GADL1: variants seen among roughly 807,000 people sequenced by gnomAD.
GADL1 encodes the protein acidic amino acid decarboxylase GADL1.
In GADL1, 71 loss-of-function variants were observed where a neutral mutation model predicts 69.5. The observed-to-expected ratio is 1.02, with a 90% CI of 0.84 to 1.25. The LOEUF (loss-of-function observed/expected upper bound fraction) is 1.25. GADL1 is among the 50% of genes most tolerant of loss of function. The pLI is 0.00. For synonymous variants in GADL1, 254 were observed against 214.4 expected, an observed-to-expected ratio of 1.18 and a Z score of -1.62; for missense variants, 737 against 631.8, an observed-to-expected ratio of 1.17 and a Z score of -1.79.
chr3:30,786,509 AAGATAC>A, intron 12 of GADL1, 103 bp from the exon 13 acceptor site: 1 of 694,934 alleles, frequency 1.4e-6, no homozygotes. Flanking sequence ...GGAGATAAGA[AAGATAC>A]AGATAAAGGT....
intron 11 of GADL1, among the ~76,000 whole-genome samples, chr3:30,829,568 A>C (rs1042968318): frequency 1.1e-4 from 17 of 151,918 alleles, no homozygotes; most frequent in African/African-American, 4.1e-4. Flanking sequence ...TTATCAACTA[A>C]TCAACTATAA....
intron 11 of GADL1, among the ~76,000 whole-genome samples, chr3:30,814,981 A>AT (rs11392823): frequency 0.16 from 23,378 of 148,534 alleles, 1,849 homozygotes; most frequent in Middle Eastern, 0.2. Flanking sequence ...AAAAAAAAAA[A>AT]ATTTTTTTCA....
intron 1 of GADL1, among the ~76,000 whole-genome samples, chr3:30,880,629 A>G (rs1427224672): frequency 6.6e-6 from 1 of 151,904 alleles, no homozygotes; most frequent in Non-Finnish European, 1.5e-5. Flanking sequence ...TCTCAGGTAT[A>G]TCCTTATAGC....
In GADL1 at chr3:30,745,748, C is replaced by A. The variant is rs534949151; in HGVS notation, c.1393-17333G>T. Among the ~76,000 whole-genome samples, 234 of 110,884 alleles carry A rather than the reference C, an allele frequency of 2.1e-3. 1 individual carries two copies. The highest frequency in any genetic ancestry group is 0.011 in the African/African-American group (227 of 21,202). The allele number at this position is 110,884 out of a possible 152,430, so 72.7% of individuals were successfully genotyped here. The stretch of plus-strand genomic sequence containing the variant: ...GGCCATAGTGACAATTGTTGAGATA[C>A]CTGAACTTTTTCTTTTTGTAAATCT... On this transcript the variant is annotated intron_variant, in intron 14 of 14. Coordinates refer to ENST00000282538, the MANE Select transcript of GADL1 (RefSeq NM_207359.3).
At chr3:30,872,803 G>C (rs911366216) in intron 1 of GADL1, among the ~76,000 whole-genome samples, 1 of 151,858 alleles carries the variant, frequency 6.6e-6, no homozygotes, top group African/African-American at 2.4e-5. Context: ...TCTGCACTCT[G>C]TGAAACTAGA....
chr3:30,758,412 T>C (rs1438943255), intron 14 of GADL1, among the ~76,000 whole-genome samples: 1 of 42,324 alleles, frequency 2.4e-5, no homozygotes, highest in Non-Finnish European at 4.6e-5. Flanking sequence ...GTATTGCCTT[T>C]TATCTTTCCC....
At chr3:30,742,170 GCT>G (rs1341308643) in intron 14 of GADL1, among the ~76,000 whole-genome samples, 1 of 152,040 alleles carries the variant, frequency 6.6e-6, no homozygotes, top group African/African-American at 2.4e-5. Flanking sequence ...TTCCCTCTGT[GCT>G]CTGTCAGAAT....
At chr3:30,794,991 T>C (rs1371655736) in intron 12 of GADL1, among the ~76,000 whole-genome samples, 3 of 152,178 alleles carry the variant, frequency 2.0e-5, no homozygotes, top group South Asian at 4.1e-4. Flanking sequence ...TTTAGAGACC[T>C]GACCCTAGGG....
chr3:30,776,789 T>TG (rs1559496676), intron 14 of GADL1, among the ~76,000 whole-genome samples: 1 of 152,208 alleles, frequency 6.6e-6, no homozygotes, highest in Non-Finnish European at 1.5e-5. Context: ...AAGGCTCCCA[T>TG]GACCCTCCCT....
At chr3:30,732,798 C>T (rs574935041) in intron 14 of GADL1, among the ~76,000 whole-genome samples, 3 of 152,270 alleles carry the variant, frequency 2.0e-5, no homozygotes, top group Admixed American at 1.3e-4. Context: ...TTGCTCACGC[C>T]TGTAATCTCA....
At chr3:30,783,781 CT>C (rs1559498592) in intron 13 of GADL1, among the ~76,000 whole-genome samples, 3 of 152,134 alleles carry the variant, frequency 2.0e-5, no homozygotes, top group African/African-American at 7.2e-5. Flanking sequence ...GGGCAGAAGG[CT>C]GACTAAAATC....
At chr3:30,860,132 C>T (rs926618050) in intron 2 of GADL1, among the ~76,000 whole-genome samples, 1 of 151,886 alleles carries the variant, frequency 6.6e-6, no homozygotes, top group South Asian at 2.1e-4. Context: ...CCAAAATTCT[C>T]ACTTGCCCTT....
chr3:30,757,361 G>GA (rs1200168188), intron 14 of GADL1, among the ~76,000 whole-genome samples: 4 of 152,034 alleles, frequency 2.6e-5, no homozygotes, highest in African/African-American at 9.7e-5. Flanking sequence ...GTGGGAAAGT[G>GA]AATAGATCAG....
At chr3:30,789,461 G>T (rs1696868519) in intron 12 of GADL1, among the ~76,000 whole-genome samples, 4 of 152,170 alleles carry the variant, frequency 2.6e-5, no homozygotes, top group Admixed American at 2.6e-4. Context: ...AGAATTTTCA[G>T]AATGGTAAAT....
chr3:30,793,930 T>C (rs1430538012), intron 12 of GADL1, among the ~76,000 whole-genome samples: 1 of 152,222 alleles, frequency 6.6e-6, no homozygotes, highest in Non-Finnish European at 1.5e-5. Context: ...GCTTTCCGTA[T>C]GCTCTGCATA....
intron 6 of GADL1, among the ~76,000 whole-genome samples, chr3:30,847,979 G>T (rs73823933): frequency 0.039 from 6,004 of 152,106 alleles, 381 homozygotes; most frequent in African/African-American, 0.14. Flanking sequence ...ACCAAATGAA[G>T]AATGAAAAAG....
Position 30,844,894 on chromosome 3 carries a change from G to C in GADL1, c.652-428C>G, listed in dbSNP as rs145220450. Among the ~76,000 whole-genome samples, 38 of 152,242 alleles carry C rather than the reference G, an allele frequency of 2.5e-4. 1 individual carries two copies. In the East Asian group the frequency reaches 5.6e-3, roughly 23 times the overall value. On this transcript the variant is annotated intron_variant, in intron 6 of 14. Transcript: ENST00000282538. ...TTTCCATCCCATTGAGAAAAGTAAA[G>C]TTTCTCCTGATGCTCCTCATAAGAC... is the stretch of plus-strand genomic sequence containing the variant.
chr3:30,847,417 C>G (rs1408355864), intron 6 of GADL1, among the ~76,000 whole-genome samples: 3 of 152,086 alleles, frequency 2.0e-5, no homozygotes, highest in Non-Finnish European at 4.4e-5. Context: ...GGCCATGGAC[C>G]AAACCCTTAA....
chr3:30,761,811 C>T (rs1575190209), intron 14 of GADL1, among the ~76,000 whole-genome samples: 2 of 152,114 alleles, frequency 1.3e-5, no homozygotes, highest in South Asian at 4.1e-4. Flanking sequence ...GTAGCTCTAC[C>T]AATTAGATTC....
Sources: gnomAD v4.1 joint callset for allele counts (sites outside exome capture counted in the v4.1 genomes callset) on GRCh38, gnomAD v4.1.1 for gene constraint, MANE v1.5 for transcripts, NCBI Gene and HGNC (gene_info 2026-07-23, HGNC 2026-07-21) for gene names.